FBXL13: variants seen among roughly 807,000 people sequenced by gnomAD.
FBXL13 encodes the protein F-box and leucine-rich repeat protein 13.
FBXL13 carries 67 observed loss-of-function variants against 83.6 expected under a neutral mutation model. The ratio of observed to expected loss-of-function variants is 0.80; its 90% confidence interval spans 0.66 to 0.98. The LOEUF is 0.98. Ranked by LOEUF, FBXL13 falls within the 50% of genes least tolerant of loss-of-function variation. The pLI, the probability that FBXL13 is intolerant of heterozygous loss-of-function variation, is 0.00. For synonymous variants in FBXL13, 272 were observed against 299.5 expected, an observed-to-expected ratio of 0.91 and a Z score of 0.95; for missense variants, 822 against 866.5, an observed-to-expected ratio of 0.95 and a Z score of 0.64.
chr7:102,893,138 A>G (rs1333451019), intron 11 of FBXL13, among the ~76,000 whole-genome samples: 1 of 152,178 alleles, frequency 6.6e-6, no homozygotes, highest in African/African-American at 2.4e-5. Flanking sequence ...TTCCAAATCT[A>G]TACCTTCACT....
At chr7:102,903,390 T>C (rs182633492) in intron 11 of FBXL13, among the ~76,000 whole-genome samples, 6 of 152,232 alleles carry the variant, frequency 3.9e-5, no homozygotes, top group Non-Finnish European at 7.4e-5. Flanking sequence ...CCTTTTCAAT[T>C]TGGATGCTCT....
At chr7:102,866,126 T>C (rs1004541912) in intron 16 of FBXL13, among the ~76,000 whole-genome samples, 1 of 152,218 alleles carries the variant, frequency 6.6e-6, no homozygotes, top group African/African-American at 2.4e-5. Context: ...TGTATTGTGA[T>C]GCTTATAGAA....
At chr7:103,072,823 G>A (rs1472261375) in intron 1 of FBXL13, among the ~76,000 whole-genome samples, 1 of 152,134 alleles carries the variant, frequency 6.6e-6, no homozygotes, top group Non-Finnish European at 1.5e-5. Context: ...TTCCCACTGA[G>A]TCCTTAGAGT....
intron 2 of FBXL13, among the ~76,000 whole-genome samples, chr7:103,037,326 T>TTG (rs2129490655): frequency 6.6e-6 from 1 of 152,286 alleles, no homozygotes; most frequent in South Asian, 2.1e-4. Context: ...GGCACAGGCA[T>TTG]TGTCTGCCTC....
At chr7:102,822,536 A>T in intron 18 of FBXL13, 1 of 472,976 alleles carries the variant, frequency 2.1e-6, no homozygotes, top group Admixed American at 2.4e-5. Flanking sequence ...ACCTCTTCTA[A>T]ATCTGTTTAC....
chr7:103,017,433 G>T (rs1162158095), intron 6 of FBXL13, among the ~76,000 whole-genome samples: 3 of 152,180 alleles, frequency 2.0e-5, no homozygotes, highest in Admixed American at 2.0e-4. Context: ...CCCCTCCAAA[G>T]GAATGCAGCT....
At chr7:102,952,342 T>C (rs1364795231) in intron 8 of FBXL13, among the ~76,000 whole-genome samples, 1 of 152,190 alleles carries the variant, frequency 6.6e-6, no homozygotes, top group Non-Finnish European at 1.5e-5. Flanking sequence ...GTGGTTAAAA[T>C]GGTAATTTTT....
intron 1 of FBXL13, among the ~76,000 whole-genome samples, chr7:103,057,865 T>C (rs1797485335): frequency 1.3e-5 from 2 of 152,200 alleles, no homozygotes; most frequent in Admixed American, 1.3e-4. Flanking sequence ...TTTCCCTTTG[T>C]GGTTCACTGT....
At chr7:103,045,812 G>A (rs1332269130) in intron 2 of FBXL13, among the ~76,000 whole-genome samples, 2 of 152,238 alleles carry the variant, frequency 1.3e-5, no homozygotes, top group African/African-American at 4.8e-5. Context: ...TTAGGTGAAA[G>A]TGTGACCAAA....
chr7:103,056,586 G>A (rs945943644), intron 1 of FBXL13, among the ~76,000 whole-genome samples: 1 of 152,104 alleles, frequency 6.6e-6, no homozygotes, highest in Non-Finnish European at 1.5e-5. Flanking sequence ...AGCCTCCTGA[G>A]TAGTTGGGAT....
intron 6 of FBXL13, among the ~76,000 whole-genome samples, chr7:102,981,256 G>A (rs1452188703): frequency 1.3e-5 from 2 of 152,136 alleles, no homozygotes; most frequent in African/African-American, 2.4e-5. Flanking sequence ...CAAATGACTT[G>A]TTTAAAAGGG....
At chr7:102,927,329 C>T (rs76903380) in intron 9 of FBXL13, among the ~76,000 whole-genome samples, 3,978 of 152,252 alleles carry the variant, frequency 0.026, 178 homozygotes, top group East Asian at 0.16. Flanking sequence ...GAATAGACCA[C>T]TGCAGGTATC....
At chr7:102,865,689 G>A (rs1424668640) in intron 16 of FBXL13, among the ~76,000 whole-genome samples, 2 of 151,786 alleles carry the variant, frequency 1.3e-5, no homozygotes, top group African/African-American at 2.4e-5. Context: ...CTACAGGCAC[G>A]CGCCACCATA....
At chr7:102,963,803 C>G in intron 7 of FBXL13, 138 bp from the exon 9 acceptor site, 2 of 773,932 alleles carry the variant, frequency 2.6e-6, no homozygotes, top group East Asian at 5.9e-5. Flanking sequence ...ATAGAGAAGA[C>G]AGACAACCTA....
intron 8 of FBXL13, among the ~76,000 whole-genome samples, chr7:102,948,517 G>C (rs1056561358): frequency 6.6e-6 from 1 of 151,862 alleles, no homozygotes; most frequent in Admixed American, 6.6e-5. Context: ...TCCACCTTCC[G>C]GGTTCAAGCA....
Position 102,972,956 on chromosome 7 carries a change from G to A in FBXL13, c.496-4839C>T, listed in dbSNP as rs1470893274. Among the ~76,000 whole-genome samples, 9 of 151,788 alleles carry A rather than the reference G, an allele frequency of 5.9e-5. No homozygotes were observed. The East Asian group carries it at 1.7e-3, about 29-fold the overall frequency. ...AAATAATAATTAAAATGCATTTATG[G>A]TTAAAATGTGATGTTTTGATTTATG... On this transcript the variant is annotated intron_variant, in intron 6 of 19. Transcript: ENST00000313221.
chr7:102,914,717 G>A (rs887054756), intron 10 of FBXL13, among the ~76,000 whole-genome samples: 1 of 152,244 alleles, frequency 6.6e-6, no homozygotes, highest in African/African-American at 2.4e-5. Flanking sequence ...GACAGAGCGA[G>A]GGGGAAGGCT....
chr7:102,845,050 C>T (rs1448180138), intron 17 of FBXL13, among the ~76,000 whole-genome samples: 1 of 152,120 alleles, frequency 6.6e-6, no homozygotes, highest in African/African-American at 2.4e-5. Context: ...ATGTGTTCGC[C>T]AACCTGGAAG....
At chr7:102,841,606 A>C (rs1375269487) in intron 17 of FBXL13, among the ~76,000 whole-genome samples, 3 of 152,242 alleles carry the variant, frequency 2.0e-5, no homozygotes, top group Non-Finnish European at 2.9e-5. Flanking sequence ...CAAACTGTCA[A>C]ATCCCACATC....
Sources: allele counts gnomAD v4.1 joint callset (sites outside exome capture counted in the v4.1 genomes callset), GRCh38; gene constraint gnomAD v4.1.1; transcripts MANE v1.5; gene names NCBI Gene and HGNC (gene_info 2026-07-23, HGNC 2026-07-21).